P2RY10: variants seen among roughly 807,000 people sequenced by gnomAD.
P2RY10 encodes the protein putative P2Y purinoceptor 10.
A neutral mutation model predicts 12.1 loss-of-function variants in P2RY10; 4 were observed. The observed-to-expected ratio is 0.33, with a 90% CI of 0.16 to 0.76. The LOEUF is 0.76. P2RY10 is among the 30% of genes least tolerant of loss of function. P2RY10 has a pLI of 0.61. For synonymous variants in P2RY10, 112 were observed against 94.1 expected (o/e 1.19, Z -1.10); for missense variants, 233 against 264.6 (o/e 0.88, Z 0.83).
intron 2 of P2RY10, among the ~76,000 whole-genome samples, chrX:78,950,344 C>T (rs1219065306): frequency 9.0e-6 from 1 of 111,042 alleles, no homozygotes; most frequent in Non-Finnish European, 1.9e-5. Flanking sequence ...TAGTTCAAAT[C>T]ATATTATTTT....
intron 2 of P2RY10, among the ~76,000 whole-genome samples, chrX:78,948,819 G>C (rs1474938678): frequency 1.8e-5 from 2 of 111,841 alleles, no homozygotes. Context: ...TATGGCTGAG[G>C]AGTATTACAT....
At chrX:78,960,107 A>C (rs959290065) in intron 3 of P2RY10, among the ~76,000 whole-genome samples, 3 of 112,111 alleles carry the variant, frequency 2.7e-5, no homozygotes, top group Non-Finnish European at 5.6e-5. Flanking sequence ...AGTGAGGCTA[A>C]ATTTCTACTA....
At chrX:78,960,371 C>A in intron 3 of P2RY10, 137 bp from the exon 4 acceptor site, 1 of 501,164 alleles carries the variant, frequency 2.0e-6, no homozygotes, top group Non-Finnish European at 3.2e-6. Flanking sequence ...TTTCCTTGAG[C>A]CTCTAATTCT....
chrX:78,950,347 A>G (rs932859144), intron 2 of P2RY10, among the ~76,000 whole-genome samples: 2 of 111,507 alleles, frequency 1.8e-5, no homozygotes, highest in Admixed American at 1.9e-4. Flanking sequence ...TTCAAATCAT[A>G]TTATTTTAAT....
In P2RY10 at chrX:78,962,158, A is replaced by T. The variant is rs1399623852; in HGVS notation, c.*618A>T. On this transcript the variant is annotated 3_prime_UTR_variant, in exon 4 of 4. Transcript: ENST00000171757. ...GTACTTTCTTTTTTTTTCATAAGTT[A>T]TTGGGGTACAGGTGGTATTTGGTTA... 8.1e-5 allele frequency among the ~76,000 whole-genome samples: 9 copies of T among 110,531 alleles called. No individual in the cohort carries two copies. The highest frequency in any genetic ancestry group is 3.0e-4 in the African/African-American group (9 of 30,333).
At chrX:78,950,970 G>A (rs1488431670) in intron 2 of P2RY10, among the ~76,000 whole-genome samples, 1 of 111,883 alleles carries the variant, frequency 8.9e-6, no homozygotes, top group Non-Finnish European at 1.9e-5. Flanking sequence ...AACGTGAATA[G>A]CACTTAGCTA....
intron 2 of P2RY10, among the ~76,000 whole-genome samples, chrX:78,950,757 C>T (rs1451167866): frequency 1.8e-5 from 2 of 111,631 alleles, no homozygotes; most frequent in Non-Finnish European, 3.8e-5. Flanking sequence ...CACAGAAATA[C>T]CACTTTAAAA....
chrX:78,953,085 G>A (rs746433745), intron 3 of P2RY10, among the ~76,000 whole-genome samples: 1 of 112,514 alleles, frequency 8.9e-6, no homozygotes, highest in African/African-American at 3.2e-5. Flanking sequence ...GGATAATTGA[G>A]CCATTTGGAT....
chrX:78,947,303 A>G (rs1016201799), intron 1 of P2RY10, among the ~76,000 whole-genome samples: 11 of 112,282 alleles, frequency 9.8e-5, no homozygotes, highest in African/African-American at 3.6e-4. Flanking sequence ...TGTTTATAGT[A>G]AAATGAGACT....
At chrX:78,958,167 C>T (rs906662762) in intron 3 of P2RY10, among the ~76,000 whole-genome samples, 11 of 112,199 alleles carry the variant, frequency 9.8e-5, no homozygotes, top group African/African-American at 2.3e-4. Context: ...TCCAACTAGA[C>T]GAATTCTAGT....
At chrX:78,949,656 T>C (rs1922019610) in intron 2 of P2RY10, among the ~76,000 whole-genome samples, 1 of 112,575 alleles carries the variant, frequency 8.9e-6, no homozygotes, top group Non-Finnish European at 1.9e-5. Context: ...GTTGTTGTTT[T>C]GTTAATGGTC....
chrX:78,947,945 A>G (rs773678119), intron 2 of P2RY10, 82 bp downstream of exon 2: 3 of 245,305 alleles, frequency 1.2e-5, no homozygotes, highest in Non-Finnish European at 1.7e-5. Flanking sequence ...CACAGTGACA[A>G]TGACACTCAG....
intron 3 of P2RY10, among the ~76,000 whole-genome samples, chrX:78,956,539 A>G (rs1272641821): frequency 9.0e-6 from 1 of 110,746 alleles, no homozygotes; most frequent in African/African-American, 3.3e-5. Flanking sequence ...TGTGGCACTG[A>G]TGGACTTAAG....
chrX:78,946,873 C>T (rs779590729), intron 1 of P2RY10, among the ~76,000 whole-genome samples: 2 of 111,730 alleles, frequency 1.8e-5, no homozygotes, highest in African/African-American at 6.5e-5. Flanking sequence ...TGAATAAACA[C>T]ATTTATGGGT....
At chrX:78,959,856 T>C (rs1360810008) in intron 3 of P2RY10, among the ~76,000 whole-genome samples, 7 of 112,178 alleles carry the variant, frequency 6.2e-5, no homozygotes, top group African/African-American at 2.3e-4. Flanking sequence ...TTATTAAAGC[T>C]TTTTATGTAA....
chrX:78,959,818 A>G (rs1170598132), intron 3 of P2RY10, among the ~76,000 whole-genome samples: 1 of 111,814 alleles, frequency 8.9e-6, no homozygotes, highest in Non-Finnish European at 1.9e-5. Context: ...GAAGGAAAAT[A>G]CTCTATTTTA....
Position 78,952,320 on chromosome X carries a change from G to C in P2RY10, c.-29G>C, listed in dbSNP as rs1260271121. On this transcript the variant is annotated 5_prime_UTR_variant, in exon 3 of 4. Coordinates refer to ENST00000171757, the MANE Select transcript of P2RY10 (RefSeq NM_014499.4). ...ATAGGAAGCATGTACCCTGGACAGA[G>C]CACTTCAAACTAGAGGTACCAAGAG... 8 of 750,943 alleles carry C rather than the reference G, an allele frequency of 1.1e-5. No individual in the cohort carries two copies. The South Asian group carries it at 5.5e-4, about 51-fold the overall frequency. 61.9% of individuals were successfully genotyped at this position (750,943 alleles called of 1,213,427 possible).
rs769100470 is a variant in P2RY10 at position 78,961,427 on chromosome X, A to C, written c.907A>C (p.Ile303Leu). 8.3e-7 allele frequency: 1 copy of C among 1,210,371 alleles called. No homozygotes were observed. Among genetic ancestry groups the C allele is most frequent in the East Asian group, 3.0e-5 (1 of 33,818 alleles). Residue 303 changes from isoleucine (I) to leucine (L), a missense_variant, in exon 4 of 4, where the codon ATT becomes CTT. Physicochemically the swap from Ile to Leu is conservative, Grantham distance 5. Coordinates refer to ENST00000171757, the MANE Select transcript of P2RY10 (RefSeq NM_014499.4). ...LASLCCLLDPILYYFMASEFR... is the reference protein window; with the variant it reads ...LASLCCLLDPLLYYFMASEFR... ...AAGTCTCTGCTGCCTTTTGGATCCA[A>C]TTCTTTATTACTTTATGGCTTCAGA...
chrX:78,957,763 A>T (rs1246093998), intron 3 of P2RY10, among the ~76,000 whole-genome samples: 1 of 112,054 alleles, frequency 8.9e-6, no homozygotes, highest in East Asian at 2.8e-4. Context: ...TGTGAATTGC[A>T]GAAGCATAAG....
Sources: allele counts gnomAD v4.1 joint callset (sites outside exome capture counted in the v4.1 genomes callset), GRCh38; gene constraint gnomAD v4.1.1; transcripts MANE v1.5; gene names NCBI Gene and HGNC (gene_info 2026-07-23, HGNC 2026-07-21).